Variants in ZZEF1 observed in about 807,000 individuals in gnomAD.
The protein encoded by ZZEF1 is zinc finger ZZ-type and EF-hand domain containing 1, also known as zinc finger ZZ-type and EF-hand domain-containing protein 1.
Under a neutral mutation model 342.8 loss-of-function variants are expected in ZZEF1, and 157 were observed. The observed-to-expected ratio is 0.46, with a 90% confidence interval of 0.40 to 0.52. ZZEF1 has a LOEUF of 0.52. Ranked by LOEUF, ZZEF1 falls within the 20% of genes least tolerant of loss-of-function variation. ZZEF1 has a pLI of 0.00. For missense variants in ZZEF1, 3,480 were observed against 3,725.6 expected (o/e 0.93, Z 1.72); for synonymous variants, 1,505 against 1,429.1 (o/e 1.05, Z -1.20).
At chr17:4,120,965 G>A (rs1263109208) in intron 2 of ZZEF1, among the ~76,000 whole-genome samples, 3 of 152,172 alleles carry the variant, frequency 2.0e-5, no homozygotes, top group Non-Finnish European at 2.9e-5. Flanking sequence ...TAGTTTTAGT[G>A]CAGACGAAGG....
chr17:4,112,230 T>C (rs897737002), intron 5 of ZZEF1, among the ~76,000 whole-genome samples: 6 of 151,022 alleles, frequency 4.0e-5, no homozygotes, highest in Admixed American at 1.3e-4. Flanking sequence ...ACTGCAGCCA[T>C]AGCTTCCTGG....
chr17:4,072,952 A>G, intron 24 of ZZEF1, 196 bp from the exon 25 acceptor site: 1 of 481,592 alleles, frequency 2.1e-6, no homozygotes, highest in East Asian at 3.6e-5. Flanking sequence ...AAGTCCTGAA[A>G]TACTGCTGCT....
In ZZEF1 at chr17:4,030,553, A is replaced by G. The variant is rs1597785180; in HGVS notation, c.6892+1573T>C. On this transcript the variant is annotated intron_variant, in intron 42 of 54. Transcript: ENST00000381638. ...AGAAGGCCATATACTTTTCTGAGAC[A>G]GGGTCTTGCTCTGTTGCCCAGGCTA... is the stretch of plus-strand genomic sequence containing the variant. Among the ~76,000 whole-genome samples, 4 of 152,228 alleles carry G rather than the reference A, an allele frequency of 2.6e-5. No individual in the cohort carries two copies. The South Asian group carries it at 6.2e-4, about 24-fold the overall frequency.
intron 6 of ZZEF1, among the ~76,000 whole-genome samples, chr17:4,109,266 A>C (rs1278400090): frequency 6.6e-6 from 1 of 152,154 alleles, no homozygotes; most frequent in Non-Finnish European, 1.5e-5. Context: ...AAAATAATAG[A>C]CTGCATCTGA....
intron 28 of ZZEF1, among the ~76,000 whole-genome samples, chr17:4,066,073 G>A (rs1032497395): frequency 1.3e-5 from 2 of 152,264 alleles, no homozygotes; most frequent in East Asian, 1.9e-4. Flanking sequence ...AGGCTAAGGC[G>A]GGAAGATTGC....
At chr17:4,030,544 T>G (rs905583768) in intron 42 of ZZEF1, among the ~76,000 whole-genome samples, 15 of 152,352 alleles carry the variant, frequency 9.8e-5, no homozygotes, top group Non-Finnish European at 1.9e-4. Flanking sequence ...CCATATACTT[T>G]TCTGAGACAG....
intron 26 of ZZEF1, among the ~76,000 whole-genome samples, chr17:4,067,804 G>C (rs1388867520): frequency 6.6e-6 from 1 of 152,136 alleles, no homozygotes; most frequent in African/African-American, 2.4e-5. Context: ...CACCATCATA[G>C]CTCCCTGCAG....
intron 23 of ZZEF1, among the ~76,000 whole-genome samples, chr17:4,074,633 C>T (rs1215897548): frequency 6.6e-6 from 1 of 152,166 alleles, no homozygotes; most frequent in Admixed American, 6.5e-5. Context: ...CATTTCCATG[C>T]CTCTGCTCCT....
chr17:4,118,829 TCA>T (rs1477454254), intron 2 of ZZEF1, among the ~76,000 whole-genome samples: 2 of 152,184 alleles, frequency 1.3e-5, no homozygotes, highest in African/African-American at 4.8e-5. Context: ...TGAATTTATT[TCA>T]GACTTATTTC....
chr17:4,092,720 A>G (rs1463984501), intron 11 of ZZEF1, among the ~76,000 whole-genome samples: 1 of 152,178 alleles, frequency 6.6e-6, no homozygotes, highest in Non-Finnish European at 1.5e-5. Flanking sequence ...GAGTTTCATC[A>G]ATATCATAAG....
chr17:4,052,178 C>G (rs551877112), intron 34 of ZZEF1, 42 bp from the exon 35 acceptor site: 8 of 1,545,536 alleles, frequency 5.2e-6, no homozygotes, highest in East Asian at 4.8e-5. Context: ...AGGTAGAGGG[C>G]TCCTAGATGG....
intron 39 of ZZEF1, among the ~76,000 whole-genome samples, chr17:4,039,206 G>A (rs779489382): frequency 7.2e-5 from 11 of 152,182 alleles, no homozygotes; most frequent in Admixed American, 6.5e-4. Flanking sequence ...AGTGGCTCAC[G>A]CCTGTAATCC....
chr17:4,142,675 G>A lies in ZZEF1; in HGVS notation c.221C>T (p.Ser74Leu). ...GCGAAACAACGCGCCGCGATGCCTC[G>A]ACACCAGCGACTCGCAGGGGGGTGT... ...LPTPPCESLVSRHRGALFRWL... is the reference protein window; with the variant it reads ...LPTPPCESLVLRHRGALFRWL... Residue 74 changes from serine to leucine, a missense_variant, in exon 1 of 55, where the codon TCG becomes TTG. By Grantham distance (145) the Ser-to-Leu change is moderately radical (BLOSUM62 -2). Around this residue, in one of 5 missense-constraint regions of ZZEF1, gnomAD observed 416 missense variants for 374.2 expected, o/e 1.11. Transcript: ENST00000381638. The A allele has an allele frequency of 1.2e-6, 2 of 1,606,960 alleles. No homozygotes were observed. Among genetic ancestry groups the A allele is most frequent in the African/African-American group, 2.7e-5 (2 of 74,988 alleles).
chr17:4,070,932 C>T lies in ZZEF1; in HGVS notation c.3835-8G>A. The T allele has an allele frequency of 1.2e-6, 2 of 1,602,968 alleles. No homozygotes were observed. The highest frequency in any genetic ancestry group is 1.1e-5 in the South Asian group (1 of 88,896). ...GTCAGGAATGTTCTTAACCTGGAAA[C>T]AAAAAATAAACCCATCACATTTAAC... is the stretch of plus-strand genomic sequence containing the variant. On this transcript the variant is annotated splice_region_variant and splice_polypyrimidine_tract_variant and intron_variant, in intron 25 of 54. Coordinates refer to ENST00000381638, the MANE Select transcript of ZZEF1 (RefSeq NM_015113.4).
chr17:4,102,742 T>C (rs2058147977), intron 8 of ZZEF1, among the ~76,000 whole-genome samples: 1 of 152,200 alleles, frequency 6.6e-6, no homozygotes, highest in Admixed American at 6.5e-5. Context: ...CCTAAGATAC[T>C]GTTTTGGAGC....
chr17:4,009,087 G>A lies in ZZEF1; in HGVS notation c.8734-133C>T, dbSNP rs939343327. On this transcript the variant is annotated intron_variant, in intron 53 of 54. Coordinates refer to ENST00000381638, the MANE Select transcript of ZZEF1 (RefSeq NM_015113.4). ...GACGCTACTCACGCCGCCCAGCACC[G>A]CGTGGCACTGCCTTGCTCAGAACCC... The A allele has an allele frequency of 1.7e-5, 19 of 1,102,964 alleles. No homozygotes were observed. In the East Asian group the frequency reaches 1.8e-4, roughly 11 times the overall value. The allele number at this position is 1,102,964 out of a possible 1,614,324, so 68.3% of individuals were successfully genotyped here.
At chr17:4,124,728 G>A (rs934283985) in intron 1 of ZZEF1, among the ~76,000 whole-genome samples, 5 of 151,824 alleles carry the variant, frequency 3.3e-5, no homozygotes, top group African/African-American at 4.8e-5. Flanking sequence ...AAAGTGCTGG[G>A]ATTACAGGTG....
intron 3 of ZZEF1, among the ~76,000 whole-genome samples, chr17:4,115,880 T>C (rs1228630306): frequency 1.3e-5 from 2 of 152,240 alleles, no homozygotes; most frequent in African/African-American, 4.8e-5. Flanking sequence ...ATCTTTTCTT[T>C]CATAGATTCT....
chr17:4,087,355 G>GA (rs933782462), intron 14 of ZZEF1, 79 bp downstream of exon 14: 5 of 1,217,452 alleles, frequency 4.1e-6, no homozygotes, highest in Admixed American at 2.5e-5. Context: ...AAAAAATTAG[G>GA]AAAAAAATCC....
Sources: allele counts gnomAD v4.1 joint callset (sites outside exome capture counted in the v4.1 genomes callset), GRCh38; gene constraint gnomAD v4.1.1; regional missense constraint gnomAD v4.1.1; transcripts MANE v1.5; gene names NCBI Gene and HGNC (gene_info 2026-07-23, HGNC 2026-07-21).